Variants in SLC12A9 observed in about 807,000 individuals in gnomAD.
The protein encoded by SLC12A9 is solute carrier family 12 member 9.
Under a neutral mutation model 66.0 loss-of-function variants are expected in SLC12A9, and 55 were observed. That is an observed-to-expected ratio of 0.83 (90% confidence interval 0.67 to 1.04). The LOEUF is 1.04. Among genes scored for constraint, SLC12A9 ranks in the 50% least tolerant of loss-of-function variants. The probability of loss-of-function intolerance (pLI) is 0.00; values close to 1 mark genes in which losing one functional copy is unlikely to be tolerated. For missense variants in SLC12A9, 1,061 were observed against 1,241.9 expected (o/e 0.85, Z 2.19); for synonymous variants, 577 against 569.0 (o/e 1.01, Z -0.20).
chr7:100,866,296 C>T lies in SLC12A9; in HGVS notation c.2436C>T (p.Pro812=), dbSNP rs775260808. 38 of 1,521,624 alleles carry T rather than the reference C, an allele frequency of 2.5e-5. No homozygotes were observed. The highest frequency in any genetic ancestry group is 8.7e-5 in the South Asian group (7 of 80,078). The allele number at this position is 1,521,624 out of a possible 1,614,324, so 94.3% of individuals were successfully genotyped here. The change falls in exon 14 of 14, where the codon CCC becomes CCT. Residue 812 remains proline (P), a synonymous_variant. Transcript: ENST00000354161. This position sits in a 1 kb window ranked among gnomAD's most constrained non-coding sequence, Gnocchi z 7.3. Reference sequence around the variant, plus strand: ...GCGAGGGGGCCGGGGCTGGGGAACCCGAGGCGGAGGAGGAAGGGGACTTTG... The same window carrying T: ...GCGAGGGGGCCGGGGCTGGGGAACCTGAGGCGGAGGAGGAAGGGGACTTTG... ...VWGEGAGAGE[P]EAEEEGDFVN...
upstream of SLC12A9, chr7:100,852,531 C>G (rs1299155034): frequency 6.6e-6 from 1 of 152,310 alleles, no homozygotes; most frequent in Admixed American, 6.5e-5. Flanking sequence ...AAGGAGGCTC[C>G]GAGACCCGCG....
intron 7 of SLC12A9, 52 bp downstream of exon 7, chr7:100,859,213 G>A: frequency 1.3e-6 from 2 of 1,518,532 alleles, no homozygotes; most frequent in Non-Finnish European, 1.8e-6. Flanking sequence ...GTGCACCTGG[G>A]TCACCAAGGG....
Position 100,866,230 on chromosome 7 carries a change from C to T in SLC12A9, c.2370C>T (p.Ser790=), listed in dbSNP as rs994082099. ...AAEGRLRALL[S]QLRIRAEVQE... is the part of the protein sequence containing the mutation. ...AGGGGCGGCTGCGGGCACTGCTGAGCCAACTGAGGATCCGGGCTGAGGTGC... is the reference window on the plus strand; with the variant it reads ...AGGGGCGGCTGCGGGCACTGCTGAGTCAACTGAGGATCCGGGCTGAGGTGC... The change falls in exon 14 of 14, where the codon AGC becomes AGT. Residue 790 remains serine (S), a synonymous_variant. Transcript: ENST00000354161. This position sits in a 1 kb window ranked among gnomAD's most constrained non-coding sequence, Gnocchi z 7.3. The T allele has an allele frequency of 2.5e-6, 4 of 1,606,902 alleles. No individual in the cohort carries two copies. Among genetic ancestry groups the T allele is most frequent in the Admixed American group, 1.7e-5 (1 of 59,332 alleles).
chr7:100,832,098 G>A (rs1336060057), intron 1 of SLC12A9, among the ~76,000 whole-genome samples: 1 of 152,188 alleles, frequency 6.6e-6, no homozygotes, highest in East Asian at 1.9e-4. Context: ...TACTCGGGAG[G>A]CTGAGGCAGG....
At chr7:100,832,987 G>A (rs1224356668) in intron 1 of SLC12A9, among the ~76,000 whole-genome samples, 2 of 152,024 alleles carry the variant, frequency 1.3e-5, no homozygotes, top group Non-Finnish European at 2.9e-5. Context: ...TGTTGCGCAG[G>A]CTGGTCTTGA....
intron 5 of SLC12A9, 65 bp from the exon 6 acceptor site, chr7:100,858,770 G>A (rs1814558606): frequency 6.7e-7 from 1 of 1,503,520 alleles, no homozygotes; most frequent in African/African-American, 1.4e-5. Flanking sequence ...GGAGAGGGTG[G>A]CTAAGAGGCC....
intron 13 of SLC12A9, 32 bp from the exon 14 acceptor site, chr7:100,865,687 G>A (rs1334584624): frequency 6.3e-7 from 1 of 1,579,524 alleles, no homozygotes; most frequent in East Asian, 2.2e-5. Flanking sequence ...CCTGACTCCT[G>A]TCTGTTCCTG....
In SLC12A9 at chr7:100,861,802, G is replaced by C. The variant is rs555022345; in HGVS notation, c.1602G>C (p.Leu534=). Residue 534 remains leucine (L), a synonymous_variant, in exon 12 of 14, where the codon CTG becomes CTC. Coordinates refer to ENST00000354161, the MANE Select transcript of SLC12A9 (RefSeq NM_020246.4). The surrounding 1 kb of genome is among the most constrained non-coding windows in gnomAD (Gnocchi z 5.3). ...KDHVKFWRPQ[L]LLLVGNPRGA... ...ACGTGAAGTTCTGGCGGCCCCAGCT[G>C]CTGCTCCTGGTGGGGAACCCCCGGG... The C allele has an allele frequency of 6.2e-7, 1 of 1,614,136 alleles. No homozygotes were observed. Among genetic ancestry groups the C allele is most frequent in the Admixed American group, 1.7e-5 (1 of 60,024 alleles).
At chr7:100,826,960 C>A (rs747046991) in exon 1 of SLC12A9, 11 of 1,533,898 alleles carry the variant, frequency 7.2e-6, no homozygotes, top group East Asian at 2.5e-5. Flanking sequence ...GGTGCGCCCC[C>A]CCCCGCAAGG....
At chr7:100,839,108 G>A (rs779598513) in intron 1 of SLC12A9, among the ~76,000 whole-genome samples, 62 of 152,094 alleles carry the variant, frequency 4.1e-4, no homozygotes, top group Non-Finnish European at 6.3e-4. Context: ...TGGATCACGA[G>A]GTCAGGAGAT....
exon 1 of SLC12A9, chr7:100,826,968 A>T: frequency 6.6e-7 from 1 of 1,521,364 alleles, no homozygotes; most frequent in South Asian, 1.2e-5. Flanking sequence ...CCCCCCCGCA[A>T]GGAAACTCAC....
intron 1 of SLC12A9, among the ~76,000 whole-genome samples, chr7:100,839,809 A>G (rs1813744509): frequency 6.6e-6 from 1 of 152,086 alleles, no homozygotes; most frequent in African/African-American, 2.4e-5. Context: ...TTGGGAGGCC[A>G]AGGCGGGCGG....
In SLC12A9 at chr7:100,826,889, C is replaced by CA; in HGVS notation, n.71dup. 5 of 1,456,556 alleles carry CA rather than the reference C, an allele frequency of 3.4e-6. No individual in the cohort carries two copies. The South Asian group carries it at 6.6e-5, about 19-fold the overall frequency. 90.2% of individuals were successfully genotyped at this position (1,456,556 alleles called of 1,614,324 possible). On this transcript the variant is annotated non_coding_transcript_exon_variant, in exon 1 of 2. Coordinates refer to the SLC12A9 transcript ENST00000461016. The stretch of plus-strand genomic sequence containing the variant: ...ACTGCAGTGCCCGGGTAGGGGTAGT[C>CA]AGAGGCCGGCCCCTCCACTCCGAGG...
At chr7:100,833,423 T>C (rs573664356) in intron 1 of SLC12A9, among the ~76,000 whole-genome samples, 1 of 151,698 alleles carries the variant, frequency 6.6e-6, no homozygotes, top group Admixed American at 6.6e-5. Context: ...GAGCCAAGAT[T>C]GTACCACTGC....
At chr7:100,844,425 G>C (rs929998986) in intron 1 of SLC12A9, among the ~76,000 whole-genome samples, 2 of 152,032 alleles carry the variant, frequency 1.3e-5, no homozygotes, top group African/African-American at 4.8e-5. Flanking sequence ...AAGAAAAAGA[G>C]GTGCCCAAAC....
chr7:100,834,570 G>A (rs1017254790), intron 1 of SLC12A9, among the ~76,000 whole-genome samples: 1 of 152,116 alleles, frequency 6.6e-6, no homozygotes, highest in African/African-American at 2.4e-5. Flanking sequence ...GTGCACGCAT[G>A]TATGGAGCCG....
intron 1 of SLC12A9, among the ~76,000 whole-genome samples, chr7:100,831,893 C>T (rs1210782670): frequency 2.0e-5 from 3 of 152,158 alleles, no homozygotes; most frequent in South Asian, 2.1e-4. Context: ...GCTTCTTCCA[C>T]GGCCCTGGTT....
intron 1 of SLC12A9, among the ~76,000 whole-genome samples, chr7:100,837,937 T>C (rs1813701029): frequency 7.1e-6 from 1 of 141,788 alleles, no homozygotes; most frequent in Non-Finnish European, 1.5e-5. Context: ...CTTCGCTCAC[T>C]GCAAGCTCAG....
In SLC12A9 at chr7:100,865,773, AG is replaced by A; in HGVS notation, c.1915del (p.Asp639ThrfsTer4). ...VLGFYDDAPP[Q>X]DHFLTDPAFS... ...GGTTTCTACGATGACGCTCCACCGC[AG>A]GACCATTTCCTGACGGACCCGGCTT... On this transcript the variant is annotated frameshift_variant, in exon 14 of 14. Coordinates refer to ENST00000354161, the MANE Select transcript of SLC12A9 (RefSeq NM_020246.4). LOFTEE classifies it high-confidence loss of function. 3.7e-6 allele frequency: 6 copies of A among 1,613,998 alleles called. No individual in the cohort carries two copies. The highest frequency in any genetic ancestry group is 3.4e-6 in the Non-Finnish European group (4 of 1,180,004).
Sources: gnomAD v4.1 joint callset for allele counts (sites outside exome capture counted in the v4.1 genomes callset) on GRCh38, gnomAD v4.1.1 for gene constraint, Gnocchi (gnomAD v3.1) non-coding constraint, MANE v1.5 for transcripts, NCBI Gene and HGNC (gene_info 2026-07-23, HGNC 2026-07-21) for gene names.